UVSSA: variants seen among roughly 807,000 people sequenced by gnomAD.
The protein encoded by UVSSA is UV-stimulated scaffold protein A.
Under a neutral mutation model 73.9 loss-of-function variants are expected in UVSSA, and 72 were observed. That is an observed-to-expected ratio of 0.97 (90% CI 0.81 to 1.19). The LOEUF (loss-of-function observed/expected upper bound fraction) is 1.19, where lower values mean the gene tolerates loss of function less well. Among genes scored for constraint, UVSSA ranks in the 50% most tolerant of loss-of-function variants. The probability of loss-of-function intolerance (pLI) is 0.00; values close to 1 mark genes in which losing one functional copy is unlikely to be tolerated. For missense variants in UVSSA, 1,150 were observed against 965.0 expected, an observed-to-expected ratio of 1.19 and a Z score of -2.54; for synonymous variants, 454 against 391.3, an observed-to-expected ratio of 1.16 and a Z score of -1.89.
At chr4:1,374,792 CA>C (rs35925734) in intron 8 of UVSSA, 42,493 of 152,466 alleles carry the variant, frequency 0.28, 6,916 homozygotes, top group African/African-American at 0.45. Flanking sequence ...TGTGGGGACA[CA>C]GGGGCTGGAA....
chr4:1,375,234 G>A (rs1005891306), intron 8 of UVSSA, 130 bp from the exon 9 acceptor site: 2 of 1,445,746 alleles, frequency 1.4e-6, no homozygotes, highest in Non-Finnish European at 1.9e-6. Flanking sequence ...CAGATAGCAG[G>A]CACCCACCTC....
chr4:1,384,184 C>A, intron 13 of UVSSA: 1 of 512,864 alleles, frequency 1.9e-6, no homozygotes, highest in East Asian at 3.5e-5. Flanking sequence ...GGGGCTCGAC[C>A]GCCAGGCACC....
chr4:1,354,969 T>C lies in UVSSA; in HGVS notation c.1047+122T>C. The C allele has an allele frequency of 2.0e-6, 3 of 1,527,950 alleles. No individual in the cohort carries two copies. The South Asian group carries it at 3.7e-5, about 19-fold the overall frequency. 94.6% of individuals were successfully genotyped at this position (1,527,950 alleles called of 1,614,324 possible). A position where few individuals can be genotyped will look rare whatever the true frequency, so the allele number is the denominator to read the frequency against. On this transcript the variant is annotated intron_variant, in intron 6 of 13. Transcript: ENST00000389851. Reference sequence around the variant, plus strand: ...TGAATGGCCCTTAACCCGCGAGGGCTCTGTCCCTCACCCGCAGCTTTGTCC... The same window carrying C: ...TGAATGGCCCTTAACCCGCGAGGGCCCTGTCCCTCACCCGCAGCTTTGTCC...
chr4:1,375,428 C>T lies in UVSSA; in HGVS notation c.1353C>T (p.Asp451=), dbSNP rs377154812. The change falls in exon 9 of 14, where the codon GAC becomes GAT. Residue 451 remains aspartate, a synonymous_variant. Transcript: ENST00000389851. ...VRCLRTRTRM[D]EEVSDPTSAA... is the part of the protein sequence containing the mutation. ...GCTTGCGGACGAGGACGAGGATGGA[C>T]GAGGAGGTGTCGGACCCCACCTCTG... The T allele has an allele frequency of 5.6e-6, 9 of 1,613,324 alleles. No individual in the cohort carries two copies. Among genetic ancestry groups the T allele is most frequent in the South Asian group, 2.2e-5 (2 of 91,080 alleles).
rs749377166 is a variant in UVSSA, at chr4:1,354,853, C to T, written c.1047+6C>T. On this transcript the variant is annotated splice_donor_region_variant and intron_variant, in intron 6 of 13. Transcript: ENST00000389851. ...CTGTGTGCTCGTGGATCCAGGTGAG[C>T]CTCGAACCTGGGACCTGTGGGTGGA... 1.2e-6 allele frequency: 2 copies of T among 1,604,622 alleles called. No individual in the cohort carries two copies. The highest frequency in any genetic ancestry group is 2.7e-5 in the African/African-American group (2 of 73,000).
rs983334686 is a variant in UVSSA at position 1,353,398 on chromosome 4, G to A, written c.919G>A (p.Val307Met). ...GGGCTCGCACAAGTACACGCTGGAT[G>A]TGGAGCTCTGCTCAGGTAACTGCCT... The part of the protein sequence containing the change: ...GLGSHKYTLD[V>M]ELCSEGLKVQ... Residue 307 changes from valine (V) to methionine (M), a missense_variant, in exon 5 of 14, where the codon GTG becomes ATG. Coordinates refer to ENST00000389851, the MANE Select transcript of UVSSA (RefSeq NM_020894.4). 4 of 1,570,514 alleles carry A rather than the reference G, an allele frequency of 2.5e-6. No homozygotes were observed. Among genetic ancestry groups the A allele is most frequent in the African/African-American group, 2.7e-5 (2 of 74,102 alleles).
intron 4 of UVSSA, 100 bp downstream of exon 4, chr4:1,351,935 C>T: frequency 6.5e-7 from 1 of 1,537,298 alleles, no homozygotes; most frequent in East Asian, 2.3e-5. Flanking sequence ...GCAAGGAACC[C>T]AGGTTTTGAG....
rs764128243 is a variant in UVSSA at position 1,366,439 on chromosome 4, G to T, written c.1288+8G>T. 3 of 1,593,526 alleles carry T rather than the reference G, an allele frequency of 1.9e-6. No homozygotes were observed. The highest frequency in any genetic ancestry group is 1.4e-5 in the African/African-American group (1 of 73,942). On this transcript the variant is annotated splice_region_variant and intron_variant, in intron 8 of 13. Coordinates refer to ENST00000389851, the MANE Select transcript of UVSSA (RefSeq NM_020894.4). ...ACTTGCGGCCTGAGTATGGTGAGCA[G>T]TGGGTCCCGTGGGGGGGGCACCTGG...
chr4:1,364,787 CACCACCCTG>C (rs1222057241), intron 7 of UVSSA, among the ~76,000 whole-genome samples: 1 of 152,012 alleles, frequency 6.6e-6, no homozygotes, highest in East Asian at 1.9e-4. Flanking sequence ...CCCAGGGCAC[CACCACCCTG>C]GCCACCCTGG....
At chr4:1,378,601 C>A (rs550535402) in intron 10 of UVSSA, among the ~76,000 whole-genome samples, 12 of 152,164 alleles carry the variant, frequency 7.9e-5, no homozygotes, top group Non-Finnish European at 1.6e-4. Context: ...GGGAAGCATC[C>A]CTGCACCTGG....
intron 9 of UVSSA, among the ~76,000 whole-genome samples, 182 bp downstream of exon 9, chr4:1,375,690 A>G (rs1318171082): frequency 6.6e-6 from 1 of 152,212 alleles, no homozygotes; most frequent in African/African-American, 2.4e-5. Flanking sequence ...TGTCAGTGCC[A>G]GCATCAGCTG....
intron 3 of UVSSA, among the ~76,000 whole-genome samples, chr4:1,350,085 CTT>C (rs2109063006): frequency 1.3e-5 from 2 of 152,188 alleles, no homozygotes; most frequent in East Asian, 3.9e-4. Context: ...AGAGCATAAG[CTT>C]TATGTGTGGG....
intron 9 of UVSSA, 70 bp downstream of exon 9, chr4:1,375,578 C>T (rs1577360653): frequency 6.4e-7 from 1 of 1,554,318 alleles, no homozygotes; most frequent in Non-Finnish European, 8.7e-7. Flanking sequence ...AGAGCACTGG[C>T]CGGCCTCGAG....
At chr4:1,369,567 G>A (rs184801397) in intron 8 of UVSSA, among the ~76,000 whole-genome samples, 51 of 152,318 alleles carry the variant, frequency 3.3e-4, no homozygotes, top group African/African-American at 1.1e-3. Flanking sequence ...TTTCACTGAG[G>A]GGCCTTTATC....
At chr4:1,344,040 CTTTT>C (rs143830793), upstream of UVSSA, among the ~76,000 whole-genome samples, 38 of 145,782 alleles carry the variant, frequency 2.6e-4, no homozygotes, top group Admixed American at 2.3e-3. Flanking sequence ...TTTCTTCTGG[CTTTT>C]TTTTTTGGGT....
At position 1,383,996 on chromosome 4, in the gene UVSSA, T is replaced by C. The variant is rs1577384359; in HGVS notation, c.2036+56T>C. 1.2e-5 allele frequency: 18 copies of C among 1,533,386 alleles called. No homozygotes were observed. The East Asian group carries it at 3.7e-4, about 31-fold the overall frequency. 95.0% of individuals were successfully genotyped at this position (1,533,386 alleles called of 1,614,324 possible). A position where few individuals can be genotyped will look rare whatever the true frequency, so the allele number is the denominator to read the frequency against. ...GCGTGGCCCCCCCGTGTGAGGGTGT[T>C]CGAGGGGGGCCATCTGAGCGCCAAG... On this transcript the variant is annotated intron_variant, in intron 13 of 13. Coordinates refer to ENST00000389851, the MANE Select transcript of UVSSA (RefSeq NM_020894.4).
At chr4:1,348,305 A>C (rs1471284785) in intron 2 of UVSSA, 116 bp downstream of exon 2, 1 of 794,062 alleles carries the variant, frequency 1.3e-6, no homozygotes, top group East Asian at 2.6e-5. Flanking sequence ...CACACCCAGG[A>C]CATTTTCTCG....
exon 14 of UVSSA, chr4:1,394,261 A>G: frequency 2.7e-6 from 2 of 746,182 alleles, no homozygotes; most frequent in East Asian, 2.8e-5. Flanking sequence ...CGTTCCTCAG[A>G]TCTTCCTTTC....
chr4:1,343,225 G>A (rs1190378251), upstream of UVSSA, among the ~76,000 whole-genome samples: 1 of 152,070 alleles, frequency 6.6e-6, no homozygotes, highest in South Asian at 2.1e-4. Context: ...GCTTGCAGAC[G>A]GCCCCCTTCT....
Sources: gnomAD v4.1 joint callset for allele counts (sites outside exome capture counted in the v4.1 genomes callset) on GRCh38, gnomAD v4.1.1 for gene constraint, MANE v1.5 for transcripts, NCBI Gene and HGNC (gene_info 2026-07-23, HGNC 2026-07-21) for gene names.